Variants in ZFAND3 observed in about 807,000 individuals in gnomAD.
ZFAND3 encodes AN1-type zinc finger protein 3.
Under a neutral mutation model 29.6 loss-of-function variants are expected in ZFAND3, and 10 were observed. That is an observed-to-expected ratio of 0.34 (90% CI 0.21 to 0.57). ZFAND3 has a LOEUF of 0.57. Ranked by LOEUF, ZFAND3 falls within the 20% of genes least tolerant of loss-of-function variation. The pLI, the probability that ZFAND3 is intolerant of heterozygous loss-of-function variation, is 0.86. For missense variants in ZFAND3, 230 were observed against 304.5 expected (o/e 0.76, Z 1.82); for synonymous variants, 128 against 112.6 (o/e 1.14, Z -0.87).
intron 1 of ZFAND3, among the ~76,000 whole-genome samples, chr6:37,873,274 A>C (rs933407064): frequency 6.6e-6 from 1 of 152,252 alleles, no homozygotes; most frequent in Non-Finnish European, 1.5e-5. Flanking sequence ...CGTCTCAAAA[A>C]AAAAGAAAGA....
intron 2 of ZFAND3, among the ~76,000 whole-genome samples, chr6:38,019,459 T>A (rs1047392058): frequency 2.0e-5 from 3 of 152,196 alleles, no homozygotes; most frequent in Admixed American, 1.3e-4. Flanking sequence ...TTTTCTATAC[T>A]GTGTGTTGCA....
At chr6:37,990,696 C>T (rs1411842683) in intron 2 of ZFAND3, among the ~76,000 whole-genome samples, 2 of 152,100 alleles carry the variant, frequency 1.3e-5, no homozygotes, top group African/African-American at 4.8e-5. Flanking sequence ...ATATTATTTT[C>T]TTTATACTAA....
chr6:37,869,418 A>G (rs1391403229), intron 1 of ZFAND3, among the ~76,000 whole-genome samples: 1 of 152,058 alleles, frequency 6.6e-6, no homozygotes, highest in South Asian at 2.1e-4. Flanking sequence ...CTGGGCCCCC[A>G]AAGTGCTGGG....
chr6:37,916,458 G>C (rs1761256178), intron 1 of ZFAND3, among the ~76,000 whole-genome samples: 2 of 152,012 alleles, frequency 1.3e-5, no homozygotes, highest in African/African-American at 4.8e-5. Flanking sequence ...AGGAGATCAA[G>C]ACCATGCAGG....
chr6:37,931,802 A>C (rs1196633423), intron 2 of ZFAND3, among the ~76,000 whole-genome samples: 1 of 152,180 alleles, frequency 6.6e-6, no homozygotes, highest in Admixed American at 6.5e-5. Flanking sequence ...TCATGGTGTA[A>C]GCTTTAGACC....
rs779791229 is a variant in ZFAND3 at position 38,061,733 on chromosome 6, C to G, written c.253C>G (p.Leu85Val). The G allele has an allele frequency of 6.2e-7, 1 of 1,614,172 alleles. No homozygotes were observed. The highest frequency in any genetic ancestry group is 1.7e-5 in the Admixed American group (1 of 60,034). The change falls in exon 3 of 6, where the codon CTT (leucine) becomes GTT (valine). Residue 85 changes from leucine to valine, a missense_variant. Transcript: ENST00000287218. ...TPTLSPSQQP[L>V]PTELNVTSPS... ...AACTCTTAGTCCCAGCCAGCAGCCG[C>G]TTCCGACAGAACTGAATGTAACTTC...
Position 38,153,101 on chromosome 6 carries a change from A to T in ZFAND3, c.*712A>T. On this transcript the variant is annotated 3_prime_UTR_variant, in exon 6 of 6. Coordinates refer to ENST00000287218, the MANE Select transcript of ZFAND3 (RefSeq NM_021943.3). ...CGAACGAGACCCGCCTTTTCTACACAGGATCCAAGGTCACGAGAAGCAGCC... is the reference window on the plus strand; with the variant it reads ...CGAACGAGACCCGCCTTTTCTACACTGGATCCAAGGTCACGAGAAGCAGCC... 2 of 985,570 alleles carry T rather than the reference A, an allele frequency of 2.0e-6. No individual in the cohort carries two copies. The highest frequency in any genetic ancestry group is 1.7e-5 in the African/African-American group (1 of 57,380). 61.1% of individuals were successfully genotyped at this position (985,570 alleles called of 1,614,324 possible). A position where few individuals can be genotyped will look rare whatever the true frequency, so the allele number is the denominator to read the frequency against.
In ZFAND3 at chr6:38,152,408, A is replaced by G; in HGVS notation, c.*19A>G. ...CTCCTGAAGGCCAGGCATGGCCACC[A>G]CGTGACGCTGTTCTTAGTTCACTAA... is the stretch of plus-strand genomic sequence containing the variant. On this transcript the variant is annotated 3_prime_UTR_variant, in exon 6 of 6. Transcript: ENST00000287218. 1 of 1,554,928 alleles carries G rather than the reference A, an allele frequency of 6.4e-7. No individual in the cohort carries two copies. Among genetic ancestry groups the G allele is most frequent in the Non-Finnish European group, 8.7e-7 (1 of 1,153,112 alleles).
chr6:37,913,974 C>A (rs1212884669), intron 1 of ZFAND3, among the ~76,000 whole-genome samples: 4 of 152,036 alleles, frequency 2.6e-5, no homozygotes, highest in Admixed American at 1.3e-4. Flanking sequence ...TTCTGCTCAC[C>A]TCAGCCTCCC....
At chr6:37,910,787 A>C (rs1024144848) in intron 1 of ZFAND3, among the ~76,000 whole-genome samples, 11 of 152,136 alleles carry the variant, frequency 7.2e-5, no homozygotes, top group African/African-American at 2.4e-4. Context: ...CATAAATGAG[A>C]TCATGTGGTA....
intron 2 of ZFAND3, among the ~76,000 whole-genome samples, chr6:37,960,967 C>A (rs2127424512): frequency 6.6e-6 from 1 of 152,126 alleles, no homozygotes; most frequent in East Asian, 1.9e-4. Context: ...TACCTATAGT[C>A]AGGAGGCTGA....
chr6:37,930,246 G>A (rs958752183), intron 2 of ZFAND3, among the ~76,000 whole-genome samples: 1 of 151,874 alleles, frequency 6.6e-6, no homozygotes, highest in Non-Finnish European at 1.5e-5. Context: ...ACTTTCCTTG[G>A]TTTACTGTTG....
intron 4 of ZFAND3, among the ~76,000 whole-genome samples, chr6:38,105,258 A>C (rs1187347797): frequency 6.6e-6 from 1 of 152,128 alleles, no homozygotes; most frequent in Non-Finnish European, 1.5e-5. Flanking sequence ...AGGCTTGTAC[A>C]AGTCCAGGCA....
intron 2 of ZFAND3, among the ~76,000 whole-genome samples, chr6:37,934,547 A>AG (rs1395018085): frequency 2.7e-5 from 4 of 150,942 alleles, no homozygotes; most frequent in Non-Finnish European, 5.9e-5. Flanking sequence ...AAAAAAAAAA[A>AG]AAGTCCAGAC....
chr6:37,942,475 G>A (rs1761828556), intron 2 of ZFAND3, among the ~76,000 whole-genome samples: 1 of 152,098 alleles, frequency 6.6e-6, no homozygotes, highest in African/African-American at 2.4e-5. Flanking sequence ...ATTTGTTCAT[G>A]TTTAGGAAGG....
At chr6:37,939,493 A>C (rs1304609113) in intron 2 of ZFAND3, among the ~76,000 whole-genome samples, 3 of 152,112 alleles carry the variant, frequency 2.0e-5, no homozygotes, top group South Asian at 2.1e-4. Flanking sequence ...TTTTTTTCCC[A>C]AAATTATCAC....
chr6:37,902,005 T>C (rs2127401097), intron 1 of ZFAND3, among the ~76,000 whole-genome samples: 1 of 152,362 alleles, frequency 6.6e-6, no homozygotes, highest in East Asian at 1.9e-4. Context: ...TTTTAAATAT[T>C]CTGTTAGTTT....
chr6:38,065,315 CA>C (rs201237370), intron 3 of ZFAND3, among the ~76,000 whole-genome samples: 251 of 126,782 alleles, frequency 2.0e-3, no homozygotes, highest in Admixed American at 2.0e-3. Flanking sequence ...CTCTGTCTCA[CA>C]AAAAAAAAAA....
intron 2 of ZFAND3, among the ~76,000 whole-genome samples, chr6:38,010,544 A>G (rs1039334664): frequency 7.3e-5 from 11 of 150,296 alleles, no homozygotes; most frequent in African/African-American, 2.2e-4. Flanking sequence ...GCCCTGGTCT[A>G]TGACAAACAT....
Sources: allele counts gnomAD v4.1 joint callset (sites outside exome capture counted in the v4.1 genomes callset), GRCh38; gene constraint gnomAD v4.1.1; transcripts MANE v1.5; gene names NCBI Gene and HGNC (gene_info 2026-07-23, HGNC 2026-07-21).